The following FARS2 variants were observed in gnomAD, a reference collection of about 807,000 sequenced individuals.
The protein encoded by FARS2 is phenylalanyl-tRNA synthetase 2, mitochondrial, also known as phenylalanine--tRNA ligase, mitochondrial.
In FARS2, 40 loss-of-function variants were observed where a neutral mutation model predicts 46.4. The ratio of observed to expected loss-of-function variants is 0.86; its 90% CI spans 0.67 to 1.12. FARS2 has a LOEUF of 1.12. Among genes scored for constraint, FARS2 ranks in the 50% most tolerant of loss-of-function variants. The pLI is 0.00. For missense variants in FARS2, 513 were observed against 567.9 expected (o/e 0.90, Z 0.98); for synonymous variants, 234 against 214.9 (o/e 1.09, Z -0.78).
intron 4 of FARS2, among the ~76,000 whole-genome samples, chr6:5,473,248 C>G (rs1326953211): frequency 6.6e-6 from 1 of 150,666 alleles, no homozygotes; most frequent in Non-Finnish European, 1.5e-5. Context: ...TGCTCCTGGC[C>G]AGGCGCGGTG....
chr6:5,636,549 T>A (rs1023069787), intron 6 of FARS2, among the ~76,000 whole-genome samples: 2 of 152,206 alleles, frequency 1.3e-5, no homozygotes, highest in African/African-American at 4.8e-5. Context: ...ACTTTCCACA[T>A]TGTCTGTTTG....
chr6:5,430,007 T>C (rs1417900540), intron 3 of FARS2, among the ~76,000 whole-genome samples: 1 of 152,146 alleles, frequency 6.6e-6, no homozygotes, highest in African/African-American at 2.4e-5. Context: ...AAGCCATTTT[T>C]GTCATTATTT....
intron 3 of FARS2, among the ~76,000 whole-genome samples, chr6:5,405,288 C>A (rs367595244): frequency 6.6e-6 from 1 of 151,976 alleles, no homozygotes; most frequent in Non-Finnish European, 1.5e-5. Flanking sequence ...AGTTCAGGTA[C>A]GAAATGTTTC....
intron 4 of FARS2, among the ~76,000 whole-genome samples, chr6:5,461,580 A>G (rs957955764): frequency 2.6e-5 from 4 of 151,726 alleles, no homozygotes; most frequent in African/African-American, 9.7e-5. Context: ...TTTTTTTGAG[A>G]GGGGGGTCTC....
chr6:5,353,726 GTTT>G (rs55998904), intron 1 of FARS2, among the ~76,000 whole-genome samples: 3 of 40,388 alleles, frequency 7.4e-5, no homozygotes, highest in African/African-American at 2.9e-4. Flanking sequence ...AATATTTGGT[GTTT>G]TTTTTTTTTT....
intron 3 of FARS2, among the ~76,000 whole-genome samples, chr6:5,409,171 C>T (rs892543827): frequency 1.5e-4 from 23 of 152,058 alleles, no homozygotes; most frequent in African/African-American, 4.3e-4. Context: ...TAAATTTGGG[C>T]CAGGCGCGGT....
intron 6 of FARS2, chr6:5,694,899 G>A (rs1477720305): frequency 3.3e-5 from 5 of 151,718 alleles, no homozygotes; most frequent in African/African-American, 4.8e-5. Flanking sequence ...CCTGGCCATT[G>A]GGGAGGCTAA....
At chr6:5,634,508 C>T (rs113505873) in intron 6 of FARS2, among the ~76,000 whole-genome samples, 7 of 152,240 alleles carry the variant, frequency 4.6e-5, no homozygotes, top group African/African-American at 1.7e-4. Context: ...TGAGGTCTTG[C>T]TGTGTTGCCC....
At chr6:5,509,063 C>T (rs1194953795) in intron 4 of FARS2, among the ~76,000 whole-genome samples, 2 of 152,190 alleles carry the variant, frequency 1.3e-5, no homozygotes, top group South Asian at 2.1e-4. Context: ...TCCATGCATG[C>T]GTGTGGCTGT....
intron 1 of FARS2, among the ~76,000 whole-genome samples, chr6:5,352,467 T>C (rs1050906002): frequency 6.6e-6 from 1 of 152,014 alleles, no homozygotes; most frequent in African/African-American, 2.4e-5. Flanking sequence ...TTTCTTTGTG[T>C]GAAGGGAGAT....
chr6:5,347,405 C>T (rs889474835), intron 1 of FARS2, among the ~76,000 whole-genome samples: 6 of 152,048 alleles, frequency 3.9e-5, no homozygotes, highest in Non-Finnish European at 8.8e-5. Flanking sequence ...TATTACTTTC[C>T]ATAAAGAGAG....
chr6:5,262,507 G>C (rs1177206746), intron 1 of FARS2, among the ~76,000 whole-genome samples: 1 of 152,112 alleles, frequency 6.6e-6, no homozygotes, highest in Non-Finnish European at 1.5e-5. Context: ...TCGAACTCCT[G>C]ACCTCAGGCA....
intron 2 of FARS2, among the ~76,000 whole-genome samples, chr6:5,380,880 T>C (rs1759715732): frequency 6.6e-6 from 1 of 152,180 alleles, no homozygotes. Flanking sequence ...ATACATCATC[T>C]AAATACAATG....
At chr6:5,448,339 T>TGTGA (rs1322091805) in intron 4 of FARS2, among the ~76,000 whole-genome samples, 1 of 152,238 alleles carries the variant, frequency 6.6e-6, no homozygotes, top group East Asian at 1.9e-4. Flanking sequence ...TGAGTGTGCC[T>TGTGA]GTGAGTGTGT....
At chr6:5,610,471 A>C (rs534365971) in intron 5 of FARS2, among the ~76,000 whole-genome samples, 1 of 152,176 alleles carries the variant, frequency 6.6e-6, no homozygotes, top group African/African-American at 2.4e-5. Flanking sequence ...AAACATAATA[A>C]AAATTTTAAA....
intron 1 of FARS2, among the ~76,000 whole-genome samples, chr6:5,313,643 T>A (rs1267284831): frequency 6.6e-6 from 1 of 151,936 alleles, no homozygotes; most frequent in African/African-American, 2.4e-5. Context: ...AGGGGAGAAG[T>A]GTTTGGAGGG....
At chr6:5,734,787 G>A (rs1185582851) in intron 6 of FARS2, among the ~76,000 whole-genome samples, 2 of 152,092 alleles carry the variant, frequency 1.3e-5, no homozygotes, top group Non-Finnish European at 2.9e-5. Flanking sequence ...AAGATAGATG[G>A]TTGTTTGATT....
intron 1 of FARS2, among the ~76,000 whole-genome samples, chr6:5,366,214 A>G (rs567465734): frequency 1.3e-5 from 2 of 152,168 alleles, no homozygotes; most frequent in Non-Finnish European, 2.9e-5. Flanking sequence ...TTTGAGCTTT[A>G]TATTCTTTGT....
chr6:5,280,707 C>A (rs564379002), intron 1 of FARS2, among the ~76,000 whole-genome samples: 6 of 150,234 alleles, frequency 4.0e-5, no homozygotes, highest in East Asian at 2.0e-4. Flanking sequence ...TTTTTTTAAT[C>A]AAAAAATAAC....
Sources: gnomAD v4.1 joint callset for allele counts (sites outside exome capture counted in the v4.1 genomes callset) on GRCh38, gnomAD v4.1.1 for gene constraint, MANE v1.5 for transcripts, NCBI Gene and HGNC (gene_info 2026-07-23, HGNC 2026-07-21) for gene names.